The following VWA3B variants were observed in gnomAD, a reference collection of about 807,000 sequenced individuals.
VWA3B encodes the protein von Willebrand factor A domain containing 3B.
Under a neutral mutation model 158.3 loss-of-function variants are expected in VWA3B, and 138 were observed. That is an observed-to-expected ratio of 0.87 (90% confidence interval 0.76 to 1.00). The LOEUF is 1.00. VWA3B is among the 50% of genes least tolerant of loss of function. The pLI, the probability that VWA3B is intolerant of heterozygous loss-of-function variation, is 0.00. For synonymous variants in VWA3B, 596 were observed against 587.3 expected (o/e 1.01, Z -0.21); for missense variants, 1,555 against 1,565.1 (o/e 0.99, Z 0.11).
intron 1 of VWA3B, among the ~76,000 whole-genome samples, chr2:98,091,024 G>A (rs147193425): frequency 7.5e-4 from 114 of 152,276 alleles, no homozygotes; most frequent in African/African-American, 2.7e-3. Context: ...TGGGATTACA[G>A]GCATGAGCCA....
intron 22 of VWA3B, among the ~76,000 whole-genome samples, chr2:98,271,339 C>G (rs1172343311): frequency 1.3e-5 from 2 of 152,000 alleles, no homozygotes; most frequent in East Asian, 3.8e-4. Context: ...TGAAAGCTCC[C>G]CATAAGTGTT....
At chr2:98,106,563 T>G (rs568612079) in intron 2 of VWA3B, among the ~76,000 whole-genome samples, 1 of 152,340 alleles carries the variant, frequency 6.6e-6, no homozygotes, top group Admixed American at 6.5e-5. Context: ...TTGATTTCTT[T>G]CATCAGCTGT....
At chr2:98,096,547 G>T (rs1383044477) in intron 2 of VWA3B, among the ~76,000 whole-genome samples, 1 of 152,184 alleles carries the variant, frequency 6.6e-6, no homozygotes, top group Non-Finnish European at 1.5e-5. Flanking sequence ...GGGATTACAG[G>T]TGTGAGCCAC....
chr2:98,310,882 A>G (rs1463784822), intron 26 of VWA3B, among the ~76,000 whole-genome samples: 1 of 152,202 alleles, frequency 6.6e-6, no homozygotes, highest in Non-Finnish European at 1.5e-5. Flanking sequence ...TTTGAAAATG[A>G]TCATGTGCAG....
In VWA3B at chr2:98,121,437, G is replaced by A. The variant is rs1674952331; in HGVS notation, c.681G>A (p.Leu227=). ...AGGCTGGCCGCCTGGATGCTCTGCT[G>A]GAAGCCGGGAGAGACAAGACTGTAA... ...VSEAGRLDAL[L]EAGRDKTIES... is the part of the protein sequence containing the mutation. The change falls in exon 5 of 28, where the codon CTG becomes CTA. Residue 227 remains leucine, a synonymous_variant. Transcript: ENST00000477737. 3 of 1,614,120 alleles carry A rather than the reference G, an allele frequency of 1.9e-6. No individual in the cohort carries two copies. Among genetic ancestry groups the A allele is most frequent in the Non-Finnish European group, 2.5e-6 (3 of 1,180,026 alleles).
At chr2:98,200,512 C>A (rs1226515565) in intron 12 of VWA3B, among the ~76,000 whole-genome samples, 4 of 145,170 alleles carry the variant, frequency 2.8e-5, no homozygotes, top group Non-Finnish European at 6.0e-5. Context: ...CACTGCACTC[C>A]AGCCTAGGTG....
At chr2:98,308,322 G>C (rs1166341923) in intron 26 of VWA3B, among the ~76,000 whole-genome samples, 3 of 152,172 alleles carry the variant, frequency 2.0e-5, no homozygotes, top group African/African-American at 7.2e-5. Context: ...GTCCGATGGA[G>C]GGAAATAACT....
intron 8 of VWA3B, among the ~76,000 whole-genome samples, chr2:98,168,360 A>G (rs1679273087): frequency 7.1e-6 from 1 of 140,472 alleles, no homozygotes; most frequent in Non-Finnish European, 1.5e-5. Context: ...CTTTGTTTCA[A>G]TCTAATACAC....
At chr2:98,189,353 G>A (rs1378816303) in intron 10 of VWA3B, among the ~76,000 whole-genome samples, 1 of 152,164 alleles carries the variant, frequency 6.6e-6, no homozygotes, top group Non-Finnish European at 1.5e-5. Flanking sequence ...CTTGCAGATC[G>A]CACTACTGCA....
intron 7 of VWA3B, among the ~76,000 whole-genome samples, chr2:98,152,919 T>C (rs1176097186): frequency 1.3e-5 from 2 of 152,206 alleles, no homozygotes; most frequent in Non-Finnish European, 2.9e-5. Flanking sequence ...TTGCAAATGG[T>C]GCATATTTTC....
chr2:98,246,763 G>A (rs1219215221), intron 19 of VWA3B, among the ~76,000 whole-genome samples: 1 of 152,068 alleles, frequency 6.6e-6, no homozygotes, highest in East Asian at 1.9e-4. Context: ...TACACTGGAA[G>A]CACCATTATG....
At chr2:98,224,360 A>G (rs1162045636) in intron 14 of VWA3B, among the ~76,000 whole-genome samples, 1 of 152,208 alleles carries the variant, frequency 6.6e-6, no homozygotes, top group Non-Finnish European at 1.5e-5. Flanking sequence ...GATTGAAACA[A>G]AAGTTGTAAC....
chr2:98,298,464 A>G (rs1440788866), intron 24 of VWA3B, among the ~76,000 whole-genome samples: 1 of 151,942 alleles, frequency 6.6e-6, no homozygotes, highest in Non-Finnish European at 1.5e-5. Flanking sequence ...ATGCCATGCC[A>G]TGCCATCCCA....
chr2:98,267,364 A>G (rs975221642), intron 21 of VWA3B, among the ~76,000 whole-genome samples: 1 of 152,162 alleles, frequency 6.6e-6, no homozygotes, highest in Non-Finnish European at 1.5e-5. Flanking sequence ...TGATTTGCAT[A>G]TATTGAACCA....
At chr2:98,120,353 G>A (rs999685807) in intron 4 of VWA3B, among the ~76,000 whole-genome samples, 17 of 152,214 alleles carry the variant, frequency 1.1e-4, no homozygotes, top group African/African-American at 3.4e-4. Context: ...CTGGATAACG[G>A]TTGGGGAAGG....
At chr2:98,250,089 G>A (rs758786017) in intron 19 of VWA3B, among the ~76,000 whole-genome samples, 4 of 152,100 alleles carry the variant, frequency 2.6e-5, no homozygotes, top group Non-Finnish European at 4.4e-5. Flanking sequence ...ATGTGTGTAT[G>A]TGGTGGTAGT....
chr2:98,176,130 G>A (rs1283190741), intron 8 of VWA3B, among the ~76,000 whole-genome samples: 1 of 152,104 alleles, frequency 6.6e-6, no homozygotes, highest in Non-Finnish European at 1.5e-5. Flanking sequence ...GGCTCACAGG[G>A]CTGAAACCTC....
chr2:98,216,989 C>CCCCG, intron 13 of VWA3B: 5 of 1,272,724 alleles, frequency 3.9e-6, no homozygotes, highest in Non-Finnish European at 5.1e-6. Context: ...AGCACCCGCC[C>CCCCG]CGCACCCAGT....
At chr2:98,088,544 T>A (rs1272637832) in intron 1 of VWA3B, among the ~76,000 whole-genome samples, 2 of 152,158 alleles carry the variant, frequency 1.3e-5, no homozygotes, top group Non-Finnish European at 2.9e-5. Context: ...CACTTCCTCC[T>A]TCTTCTAAGG....
Sources: gnomAD v4.1 joint callset for allele counts (sites outside exome capture counted in the v4.1 genomes callset) on GRCh38, gnomAD v4.1.1 for gene constraint, MANE v1.5 for transcripts, NCBI Gene and HGNC (gene_info 2026-07-23, HGNC 2026-07-21) for gene names.